SLC15A4: variants seen among roughly 807,000 people sequenced by gnomAD.
SLC15A4 encodes the protein hPHT1.
SLC15A4 carries 26 observed loss-of-function variants against 46.1 expected under a neutral mutation model. The ratio of observed to expected loss-of-function variants is 0.56; its 90% CI spans 0.41 to 0.78. SLC15A4 has a LOEUF of 0.78. Among genes scored for constraint, SLC15A4 ranks in the 30% least tolerant of loss-of-function variants. The pLI is 0.00. For synonymous variants in SLC15A4, 370 were observed against 333.4 expected (o/e 1.11, Z -1.20); for missense variants, 751 against 755.7 (o/e 0.99, Z 0.07).
Position 128,800,874 on chromosome 12 carries a change from T to C in SLC15A4, c.1394A>G (p.Glu465Gly). 1.2e-6 allele frequency: 2 copies of C among 1,612,864 alleles called. No individual in the cohort carries two copies. Among genetic ancestry groups the C allele is most frequent in the Non-Finnish European group, 1.7e-6 (2 of 1,179,588 alleles). Reference protein sequence around the residue: ...VPQYLLIGISEIFASIAGLEF... With the variant: ...VPQYLLIGISGIFASIAGLEF... ...CTCACCTGCGATACTTGCAAAGATC[T>C]CGCTGATCCCAATCAGCAAGTACTG... Residue 465 changes from glutamate to glycine, a missense_variant, in exon 6 of 8, where the codon GAG (glutamate) becomes GGG (glycine). Transcript: ENST00000266771.
chr12:128,816,069 A>G (rs1955746916), intron 1 of SLC15A4: 1 of 152,236 alleles, frequency 6.6e-6, no homozygotes, highest in Non-Finnish European at 1.5e-5. Flanking sequence ...GAATCGGAGA[A>G]ATTCTGATAA....
intron 5 of SLC15A4, among the ~76,000 whole-genome samples, chr12:128,804,468 A>G (rs1340969474): frequency 2.0e-5 from 3 of 152,248 alleles, no homozygotes; most frequent in South Asian, 2.1e-4. Context: ...CCAGTGGCTC[A>G]CGCCTGTAAT....
chr12:128,820,468 C>T (rs891346341), intron 1 of SLC15A4, among the ~76,000 whole-genome samples: 2 of 152,178 alleles, frequency 1.3e-5, no homozygotes, highest in Admixed American at 1.3e-4. Context: ...TCATTTCTAA[C>T]GTCATTCTAA....
rs1042245342 is a variant in SLC15A4, at chr12:128,823,799, C to A, written c.145G>T (p.Ala49Ser). 2.7e-6 allele frequency: 4 copies of A among 1,498,174 alleles called. No individual in the cohort carries two copies. The highest frequency in any genetic ancestry group is 3.5e-6 in the Non-Finnish European group (4 of 1,129,234). 92.8% of individuals were successfully genotyped at this position (1,498,174 alleles called of 1,614,324 possible). ...TTGGACGTGATGCCGTAGAAAGCGGCGCGCTCCAGCAGCTCCGTCAGCAGC... is the reference window on the plus strand; with the variant it reads ...TTGGACGTGATGCCGTAGAAAGCGGAGCGCTCCAGCAGCTCCGTCAGCAGC... ...AVLLTELLERAAFYGITSNLV... is the reference protein window; with the variant it reads ...AVLLTELLERSAFYGITSNLV... The change falls in exon 1 of 8, where the codon GCC becomes TCC. Residue 49 changes from alanine to serine, a missense_variant. Coordinates refer to ENST00000266771, the MANE Select transcript of SLC15A4 (RefSeq NM_145648.4).
intron 5 of SLC15A4, among the ~76,000 whole-genome samples, chr12:128,803,978 T>C (rs1955549196): frequency 6.6e-6 from 1 of 152,230 alleles, no homozygotes; most frequent in African/African-American, 2.4e-5. Flanking sequence ...CACTGTGTTA[T>C]TCTTGGACCA....
chr12:128,810,209 T>A (rs1955639569), intron 2 of SLC15A4, 98 bp from the exon 3 acceptor site: 1 of 1,182,158 alleles, frequency 8.5e-7, no homozygotes, highest in African/African-American at 1.5e-5. Flanking sequence ...CAGCTCACTG[T>A]ATTGAATCTG....
chr12:128,807,756 A>G (rs1955607066), intron 5 of SLC15A4, among the ~76,000 whole-genome samples: 1 of 152,252 alleles, frequency 6.6e-6, no homozygotes, highest in Admixed American at 6.5e-5. Context: ...AAGAAGGCAC[A>G]GCAAAAACTT....
In SLC15A4 at chr12:128,823,556, C is replaced by T. The variant is rs1342293572; in HGVS notation, c.388G>A (p.Ala130Thr). 2.8e-6 allele frequency: 4 copies of T among 1,445,948 alleles called. No individual in the cohort carries two copies. In the East Asian group the frequency reaches 9.0e-5, roughly 32 times the overall value. The allele number at this position is 1,445,948 out of a possible 1,614,324, so 89.6% of individuals were successfully genotyped here. Residue 130 changes from alanine to threonine, a missense_variant, in exon 1 of 8, where the codon GCC becomes ACC. Physicochemically the swap from Ala to Thr is moderately conservative, Grantham distance 58. Coordinates refer to ENST00000266771, the MANE Select transcript of SLC15A4 (RefSeq NM_145648.4). ...FPLLAAPATRAALCGSARLLN... is the reference protein window; with the variant it reads ...FPLLAAPATRTALCGSARLLN... ...AGGCGCGCGGAACCGCAGAGCGCGG[C>T]TCGCGTGGCGGGCGCGGCCAGCAGC...
chr12:128,818,588 C>A (rs1955790951), intron 1 of SLC15A4, among the ~76,000 whole-genome samples: 2 of 152,248 alleles, frequency 1.3e-5, no homozygotes. Flanking sequence ...AGCACCCTGG[C>A]ATAAGGGTAC....
intron 6 of SLC15A4, 139 bp from the exon 7 acceptor site, chr12:128,799,556 A>G: frequency 1.2e-6 from 1 of 836,312 alleles, no homozygotes; most frequent in Admixed American, 2.8e-5. Flanking sequence ...CCTCTTTTCT[A>G]TTAGGAGGAC....
chr12:128,809,198 G>T (rs553723308), intron 4 of SLC15A4, 198 bp downstream of exon 4: 28 of 590,148 alleles, frequency 4.7e-5, no homozygotes, highest in Non-Finnish European at 7.9e-5. Context: ...ATGTTGAATT[G>T]ATGTTAGTCA....
chr12:128,803,488 G>C (rs909548255), intron 5 of SLC15A4, among the ~76,000 whole-genome samples: 34 of 152,256 alleles, frequency 2.2e-4, no homozygotes, highest in Admixed American at 1.2e-3. Context: ...AGGAAAATGA[G>C]ACTTGGAGAC....
intron 5 of SLC15A4, 105 bp from the exon 6 acceptor site, chr12:128,801,114 T>A: frequency 1.8e-6 from 2 of 1,085,628 alleles, no homozygotes; most frequent in East Asian, 5.1e-5. Context: ...GTGATTCTGA[T>A]GCGTGAAAGG....
At chr12:128,819,725 G>C (rs1309469257) in intron 1 of SLC15A4, 4 of 152,240 alleles carry the variant, frequency 2.6e-5, no homozygotes, top group African/African-American at 7.2e-5. Context: ...GAAGAGATCA[G>C]GCCAGCTATC....
chr12:128,804,507 A>G (rs990993708), intron 5 of SLC15A4, among the ~76,000 whole-genome samples: 21 of 152,186 alleles, frequency 1.4e-4, no homozygotes, highest in Non-Finnish European at 2.5e-4. Context: ...CAAGGTGGGC[A>G]GATCACAAGG....
chr12:128,802,493 G>A lies in SLC15A4; in HGVS notation c.1259-1484C>T, dbSNP rs1036384415. 2.6e-5 allele frequency among the ~76,000 whole-genome samples: 4 copies of A among 152,198 alleles called. No individual in the cohort carries two copies. The East Asian group carries it at 7.7e-4, about 29-fold the overall frequency. On this transcript the variant is annotated intron_variant, in intron 5 of 7. Transcript: ENST00000266771. Reference sequence around the variant, plus strand: ...CCTATGCAACTCAAGCAGAAATTCAGGTCTATTTTGGAAATAAACACGAAA... The same window carrying A: ...CCTATGCAACTCAAGCAGAAATTCAAGTCTATTTTGGAAATAAACACGAAA...
chr12:128,819,829 C>G (rs138124337), intron 1 of SLC15A4: 67 of 152,346 alleles, frequency 4.4e-4, no homozygotes, highest in African/African-American at 1.6e-3. Flanking sequence ...TAACCGAGCA[C>G]CATTTCCTCC....
chr12:128,801,727 G>T (rs1278062904), intron 5 of SLC15A4: 1 of 152,108 alleles, frequency 6.6e-6, no homozygotes, highest in Non-Finnish European at 1.5e-5. Context: ...CTATTCGCAG[G>T]TCCAAGTCCT....
intron 5 of SLC15A4, among the ~76,000 whole-genome samples, chr12:128,804,939 C>G (rs973513876): frequency 6.6e-6 from 1 of 152,112 alleles, no homozygotes; most frequent in African/African-American, 2.4e-5. Context: ...CAACCGCAGA[C>G]GAAGGCCGAT....
Sources: allele counts gnomAD v4.1 joint callset (sites outside exome capture counted in the v4.1 genomes callset), GRCh38; gene constraint gnomAD v4.1.1; transcripts MANE v1.5; gene names NCBI Gene and HGNC (gene_info 2026-07-23, HGNC 2026-07-21).